NRG1: variants seen among roughly 807,000 people sequenced by gnomAD.
NRG1 encodes the protein pro-neuregulin-1, membrane-bound isoform.
In NRG1, 18 loss-of-function variants were observed where a neutral mutation model predicts 63.8. The observed-to-expected ratio is 0.28, with a 90% CI of 0.19 to 0.42. The LOEUF (loss-of-function observed/expected upper bound fraction) is 0.42. NRG1 is among the 10% of genes least tolerant of loss of function. NRG1 has a pLI of 1.00. For missense variants in NRG1, 762 were observed against 814.7 expected (o/e 0.94, Z 0.79); for synonymous variants, 302 against 301.3 (o/e 1.00, Z -0.02).
chr8:32,023,906 C>T (rs150900064), intron 1 of NRG1, among the ~76,000 whole-genome samples: 57 of 152,234 alleles, frequency 3.7e-4, no homozygotes, highest in South Asian at 1.5e-3. Context: ...TTGACATTCA[C>T]CTGTTTCCCT....
At chr8:31,743,038 C>G (rs1183408970) in intron 1 of NRG1, among the ~76,000 whole-genome samples, 1 of 151,866 alleles carries the variant, frequency 6.6e-6, no homozygotes, top group Non-Finnish European at 1.5e-5. Flanking sequence ...TGCTTAGGAC[C>G]CATTTACCAA....
At chr8:32,061,681 A>G (rs1258153923) in intron 1 of NRG1, 3 of 151,970 alleles carry the variant, frequency 2.0e-5, no homozygotes, top group Admixed American at 6.6e-5. Context: ...TCTTGTCACA[A>G]CTAGGAAAGT....
intron 5 of NRG1, among the ~76,000 whole-genome samples, chr8:32,681,873 T>G (rs1313257857): frequency 6.6e-6 from 1 of 152,136 alleles, no homozygotes; most frequent in Non-Finnish European, 1.5e-5. Context: ...ACAAAATACT[T>G]GCCAGGAAGT....
intron 5 of NRG1, among the ~76,000 whole-genome samples, chr8:32,628,655 GA>G (rs143965414): frequency 6.6e-6 from 1 of 151,008 alleles, no homozygotes; most frequent in Non-Finnish European, 1.5e-5. Flanking sequence ...TCAGCTTAGT[GA>G]AAAAAATGAA....
At chr8:32,433,533 T>G (rs191013457) in intron 1 of NRG1, among the ~76,000 whole-genome samples, 2 of 152,338 alleles carry the variant, frequency 1.3e-5, no homozygotes, top group East Asian at 3.9e-4. Context: ...TTAAGCAATG[T>G]AACCTCCTGC....
chr8:32,741,550 A>T (rs1286791694), intron 6 of NRG1, among the ~76,000 whole-genome samples: 1 of 152,202 alleles, frequency 6.6e-6, no homozygotes, highest in African/African-American at 2.4e-5. Context: ...TTGTAACATA[A>T]AACACCCATG....
rs983562585 is a variant in NRG1, at chr8:32,571,127, A to AT, written c.100+22302dup. Among the ~76,000 whole-genome samples the AT allele has an allele frequency of 1.5e-4, 23 of 152,314 alleles. 1 individual carries two copies. The highest frequency in any genetic ancestry group is 5.5e-4 in the African/African-American group (23 of 41,568). ...AGTGAACTTGTTATAGTCTTCATAA[A>AT]TATTTTTATAGCCAGTAACATAAAA... On this transcript the variant is annotated intron_variant, in intron 1 of 11. Coordinates refer to ENST00000356819, the Ensembl canonical transcript of NRG1.
intron 1 of NRG1, among the ~76,000 whole-genome samples, chr8:32,101,550 T>G (rs1158780588): frequency 1.3e-5 from 2 of 151,948 alleles, no homozygotes; most frequent in African/African-American, 2.4e-5. Flanking sequence ...ACTGTGTTGT[T>G]TTCTTTTATT....
chr8:32,024,396 G>C (rs1352275020), intron 1 of NRG1, among the ~76,000 whole-genome samples: 1 of 152,210 alleles, frequency 6.6e-6, no homozygotes, highest in Non-Finnish European at 1.5e-5. Context: ...AAACCACGTA[G>C]CATGCAAAGG....
intron 1 of NRG1, among the ~76,000 whole-genome samples, chr8:32,348,271 G>GT (rs1389028845): frequency 6.6e-6 from 1 of 151,874 alleles, no homozygotes; most frequent in East Asian, 1.9e-4. Context: ...TTTTGTTTTT[G>GT]TTTTATCTCA....
At chr8:32,377,122 A>G (rs1000393467) in intron 1 of NRG1, among the ~76,000 whole-genome samples, 1 of 152,208 alleles carries the variant, frequency 6.6e-6, no homozygotes, top group Non-Finnish European at 1.5e-5. Flanking sequence ...AGTTAAAGCC[A>G]TTTTGGAAGA....
intron 6 of NRG1, among the ~76,000 whole-genome samples, chr8:32,738,955 G>A (rs1358251620): frequency 6.6e-6 from 1 of 152,206 alleles, no homozygotes; most frequent in Non-Finnish European, 1.5e-5. Context: ...AAGTCATTGA[G>A]TTCTGTCGTC....
At position 31,824,473 on chromosome 8, in the gene NRG1, T is replaced by C. The variant is rs578214537; in HGVS notation, c.37+185042T>C. 4.0e-4 allele frequency among the ~76,000 whole-genome samples: 61 copies of C among 152,272 alleles called. 1 individual carries two copies. Among genetic ancestry groups the C allele is most frequent in the African/African-American group, 1.3e-3 (54 of 41,552 alleles). On this transcript the variant is annotated intron_variant, in intron 1 of 10. Coordinates refer to the NRG1 transcript ENST00000519301. The stretch of plus-strand genomic sequence containing the variant: ...TAGCTTTGACCATTTCTAAATCCTT[T>C]CCTGGATCAGAGTTGGAGGTTGCTC...
chr8:31,824,070 A>G (rs1218019305), intron 1 of NRG1, among the ~76,000 whole-genome samples: 1 of 151,772 alleles, frequency 6.6e-6, no homozygotes, highest in Admixed American at 6.6e-5. Context: ...CACAACGTGC[A>G]GGTTTGTTAC....
At chr8:32,288,542 A>G (rs1233334459) in intron 1 of NRG1, among the ~76,000 whole-genome samples, 1 of 152,162 alleles carries the variant, frequency 6.6e-6, no homozygotes, top group Non-Finnish European at 1.5e-5. Flanking sequence ...GAAGATTTTT[A>G]TGGCATGCTC....
At position 31,956,358 on chromosome 8, in the gene NRG1, G is replaced by A. The variant is rs117634154; in HGVS notation, c.37+316927G>A. Among the ~76,000 whole-genome samples the A allele has an allele frequency of 9.9e-3, 1,502 of 152,138 alleles. 20 individuals carry two copies. Among genetic ancestry groups the A allele is most frequent in the South Asian group, 0.071 (344 of 4,818 alleles). On this transcript the variant is annotated intron_variant, in intron 1 of 10. Transcript: ENST00000519301. ...ATTAAGAGTCTTCTAGGTTGGGTGCGGTAAATCACAGCACTTTGGGAGGCT... is the reference window on the plus strand; with the variant it reads ...ATTAAGAGTCTTCTAGGTTGGGTGCAGTAAATCACAGCACTTTGGGAGGCT...
chr8:32,121,351 G>A (rs1053392158), intron 1 of NRG1, among the ~76,000 whole-genome samples: 5 of 151,832 alleles, frequency 3.3e-5, no homozygotes, highest in Non-Finnish European at 7.4e-5. Flanking sequence ...TTGTTGCCAG[G>A]CATTTCCTTT....
intron 1 of NRG1, among the ~76,000 whole-genome samples, chr8:31,944,656 C>A (rs948693251): frequency 6.6e-6 from 1 of 152,138 alleles, no homozygotes; most frequent in Non-Finnish European, 1.5e-5. Flanking sequence ...TTTCACAGAT[C>A]CTAAACATGT....
chr8:32,061,928 G>A (rs1823942863), intron 1 of NRG1: 1 of 152,016 alleles, frequency 6.6e-6, no homozygotes, highest in Admixed American at 6.6e-5. Context: ...AACACAAACA[G>A]GAGGAGGTAA....
Sources: gnomAD v4.1 joint callset for allele counts (sites outside exome capture counted in the v4.1 genomes callset) on GRCh38, gnomAD v4.1.1 for gene constraint, MANE v1.5 for transcripts, NCBI Gene and HGNC (gene_info 2026-07-23, HGNC 2026-07-21) for gene names.